The following CACNA1S variants were observed in gnomAD, a reference collection of about 807,000 sequenced individuals.
The protein encoded by CACNA1S is voltage-dependent L-type calcium channel subunit alpha-1S.
In CACNA1S, 126 loss-of-function variants were observed where a neutral mutation model predicts 207.4. The ratio of observed to expected loss-of-function variants is 0.61; its 90% CI spans 0.53 to 0.70. CACNA1S has a LOEUF of 0.70. Among genes scored for constraint, CACNA1S ranks in the 30% least tolerant of loss-of-function variants. The pLI is 0.00. For synonymous variants in CACNA1S, 960 were observed against 932.7 expected (o/e 1.03, Z -0.53); for missense variants, 2,349 against 2,422.8 (o/e 0.97, Z 0.64).
chr1:201,068,727 C>T (rs966346716), intron 19 of CACNA1S, among the ~76,000 whole-genome samples: 1 of 151,890 alleles, frequency 6.6e-6, no homozygotes, highest in Admixed American at 6.6e-5. Context: ...AAAAAATTAG[C>T]TGGGTGTGGT....
chr1:201,068,787 G>T (rs1049651979), intron 19 of CACNA1S, among the ~76,000 whole-genome samples: 1 of 152,046 alleles, frequency 6.6e-6, no homozygotes, highest in African/African-American at 2.4e-5. Context: ...CAGGAGAATC[G>T]CTTGAACCTG....
At chr1:201,094,735 C>G (rs915669087) in intron 2 of CACNA1S, among the ~76,000 whole-genome samples, 1 of 152,156 alleles carries the variant, frequency 6.6e-6, no homozygotes, top group Non-Finnish European at 1.5e-5. Context: ...GACACTATTA[C>G]GCAGGGTGAG....
chr1:201,099,858 CT>C (rs1169578836), intron 2 of CACNA1S, among the ~76,000 whole-genome samples: 1 of 152,186 alleles, frequency 6.6e-6, no homozygotes, highest in Non-Finnish European at 1.5e-5. Context: ...GGGCCCCAGG[CT>C]TTTGTTTTTC....
chr1:201,108,102 G>T (rs1364440048), intron 2 of CACNA1S, among the ~76,000 whole-genome samples: 1 of 138,312 alleles, frequency 7.2e-6, no homozygotes, highest in East Asian at 2.4e-4. Flanking sequence ...CCATTAAGAT[G>T]TAATTTTTTT....
intron 9 of CACNA1S, 40 bp from the exon 10 acceptor site, chr1:201,083,362 G>T: frequency 6.2e-7 from 1 of 1,606,528 alleles, no homozygotes; most frequent in South Asian, 1.1e-5. Flanking sequence ...GTGCTGTGCT[G>T]TTCTACGCCC....
intron 37 of CACNA1S, 31 bp downstream of exon 37, chr1:201,047,494 C>T (rs1469636587): frequency 6.4e-7 from 1 of 1,564,882 alleles, no homozygotes; most frequent in Non-Finnish European, 8.8e-7. Context: ...TTGGCTGCTT[C>T]TGGACTCTGG....
chr1:201,067,738 A>T (rs745885759), intron 19 of CACNA1S, among the ~76,000 whole-genome samples: 7 of 151,968 alleles, frequency 4.6e-5, no homozygotes, highest in Non-Finnish European at 8.8e-5. Flanking sequence ...AGCTATCTCT[A>T]CCCAGTGAAG....
In CACNA1S at chr1:201,077,078, G is replaced by T. The variant is rs756612471; in HGVS notation, c.1669C>A (p.Arg557Ser). The T allele has an allele frequency of 3.1e-6, 5 of 1,614,190 alleles. No individual in the cohort carries two copies. The South Asian group carries it at 5.5e-5, about 18-fold the overall frequency. Reference protein sequence around the residue: ...NLVASLLNSIRSIASLLLLLF... With the variant: ...NLVASLLNSISSIASLLLLLF... ...AGCAGCAGCAGGGAGGCGATGGAGC[G>T]GATGGAGTTGAGCAGGGATGCCACC... is the stretch of plus-strand genomic sequence containing the variant. Residue 557 changes from arginine to serine, a missense_variant, in exon 12 of 44, where the codon CGC becomes AGC. By Grantham distance (110) the Arg-to-Ser change is moderately radical. Coordinates refer to ENST00000362061, the MANE Select transcript of CACNA1S (RefSeq NM_000069.3).
Position 201,067,279 on chromosome 1 carries a change from G to C in CACNA1S, c.2551-286C>G, listed in dbSNP as rs2297899. ...TCCTTTCCCATGGGGCCACAGAGTGGGGGAGCCCTGGCCCTACTGTCTCCT... is the reference window on the plus strand; with the variant it reads ...TCCTTTCCCATGGGGCCACAGAGTGCGGGAGCCCTGGCCCTACTGTCTCCT... On this transcript the variant is annotated intron_variant, in intron 19 of 43. Transcript: ENST00000362061. Among the ~76,000 whole-genome samples, 3,834 of 152,188 alleles carry C rather than the reference G, an allele frequency of 0.025. 157 individuals are homozygous for C. The highest frequency in any genetic ancestry group is 0.19 in the East Asian group (985 of 5,164).
In CACNA1S at chr1:201,048,988, G is replaced by A. The variant is rs1241637241; in HGVS notation, c.4338+15C>T. On this transcript the variant is annotated intron_variant, in intron 35 of 43. Transcript: ENST00000362061. ...CCCCTCCCTGGGGCCACCCATCCCT[G>A]GCAGCTCTGGTTACCTTACAAGCTA... 2 of 1,603,726 alleles carry A rather than the reference G, an allele frequency of 1.2e-6. No homozygotes were observed. The highest frequency in any genetic ancestry group is 2.7e-5 in the African/African-American group (2 of 74,688).
intron 38 of CACNA1S, among the ~76,000 whole-genome samples, chr1:201,045,032 G>A (rs796307742): frequency 2.6e-5 from 4 of 152,192 alleles, no homozygotes; most frequent in African/African-American, 9.7e-5. Context: ...CAGGCTTCCA[G>A]GTTGAGAAGT....
chr1:201,054,780 G>A (rs1289957058), intron 28 of CACNA1S, among the ~76,000 whole-genome samples: 3 of 152,186 alleles, frequency 2.0e-5, no homozygotes, highest in Admixed American at 6.5e-5. Context: ...AAGAGGTGGG[G>A]GACAAGGAAA....
At chr1:201,093,244 G>A (rs1662303719) in intron 3 of CACNA1S, among the ~76,000 whole-genome samples, 1 of 152,170 alleles carries the variant, frequency 6.6e-6, no homozygotes, top group African/African-American at 2.4e-5. Flanking sequence ...AGTTGTTAGG[G>A]TGGGCCCTCA....
intron 5 of CACNA1S, among the ~76,000 whole-genome samples, chr1:201,089,955 C>T (rs1662167923): frequency 2.0e-5 from 3 of 152,166 alleles, no homozygotes; most frequent in Admixed American, 6.5e-5. Flanking sequence ...GGGAAGTTCC[C>T]ACCAGGCCCG....
chr1:201,061,156 C>G, intron 25 of CACNA1S, 111 bp downstream of exon 25: 2 of 918,696 alleles, frequency 2.2e-6, no homozygotes, highest in Non-Finnish European at 3.5e-6. Context: ...GCATCAAATG[C>G]AGGTTCTGGG....
At chr1:201,099,418 C>T (rs1315768323) in intron 2 of CACNA1S, among the ~76,000 whole-genome samples, 1 of 152,220 alleles carries the variant, frequency 6.6e-6, no homozygotes, top group Non-Finnish European at 1.5e-5. Flanking sequence ...TTGAAGGGCT[C>T]CCTGGGAATG....
intron 22 of CACNA1S, among the ~76,000 whole-genome samples, chr1:201,065,624 A>T (rs541952384): frequency 6.6e-6 from 1 of 152,358 alleles, no homozygotes; most frequent in East Asian, 1.9e-4. Context: ...TGTGGAACTC[A>T]AGGTGCTATT....
chr1:201,075,345 T>A, intron 13 of CACNA1S, 150 bp downstream of exon 13: 1 of 800,876 alleles, frequency 1.2e-6, no homozygotes, highest in Non-Finnish European at 2.0e-6. Flanking sequence ...GCATTTGCTA[T>A]GTCCTACCCC....
intron 32 of CACNA1S, 144 bp from the exon 33 acceptor site, chr1:201,051,287 CT>C (rs1195850126): frequency 2.6e-6 from 2 of 758,360 alleles, no homozygotes; most frequent in East Asian, 5.3e-5. Context: ...TTCATGTTCA[CT>C]GTGTAGCTCA....
Sources: gnomAD v4.1 joint callset for allele counts (sites outside exome capture counted in the v4.1 genomes callset) on GRCh38, gnomAD v4.1.1 for gene constraint, MANE v1.5 for transcripts, NCBI Gene and HGNC (gene_info 2026-07-23, HGNC 2026-07-21) for gene names.